FAM107B: variants seen among roughly 807,000 people sequenced by gnomAD.
FAM107B encodes protein FAM107B.
Under a neutral mutation model 31.5 loss-of-function variants are expected in FAM107B, and 21 were observed. That is an observed-to-expected ratio of 0.67 (90% confidence interval 0.47 to 0.96). The LOEUF is 0.96. Among genes scored for constraint, FAM107B ranks in the 40% least tolerant of loss-of-function variants. The pLI is 0.00. For synonymous variants in FAM107B, 157 were observed against 141.5 expected (o/e 1.11, Z -0.78); for missense variants, 452 against 377.1 (o/e 1.20, Z -1.64).
At chr10:14,612,651 A>AATGTC (rs1852752938) in intron 2 of FAM107B, 1 of 152,254 alleles carries the variant, frequency 6.6e-6, no homozygotes, top group Admixed American at 6.5e-5. Flanking sequence ...CATTTCATAC[A>AATGTC]CAAATAATTA....
intron 2 of FAM107B, among the ~76,000 whole-genome samples, chr10:14,612,139 C>T (rs1394276332): frequency 6.6e-6 from 1 of 152,158 alleles, no homozygotes; most frequent in Non-Finnish European, 1.5e-5. Flanking sequence ...AATGTTAAAT[C>T]GTGCCAGAGA....
At chr10:14,528,563 C>T (rs979751369) in intron 3 of FAM107B, among the ~76,000 whole-genome samples, 4 of 152,054 alleles carry the variant, frequency 2.6e-5, no homozygotes, top group African/African-American at 9.7e-5. Context: ...ATACCTTGGC[C>T]AAGATCATAA....
chr10:14,529,969 G>C (rs992696550), intron 3 of FAM107B: 1 of 188,312 alleles, frequency 5.3e-6, no homozygotes, highest in Non-Finnish European at 1.2e-5. Context: ...ACCTTCCCCA[G>C]TGTAAGGAGA....
chr10:14,526,082 G>A (rs770363351), intron 3 of FAM107B, among the ~76,000 whole-genome samples: 2 of 152,202 alleles, frequency 1.3e-5, no homozygotes, highest in South Asian at 2.1e-4. Context: ...GGCTCAGACC[G>A]TCACAGAACA....
chr10:14,691,457 G>A (rs899444087), intron 1 of FAM107B, among the ~76,000 whole-genome samples: 49 of 152,132 alleles, frequency 3.2e-4, no homozygotes, highest in African/African-American at 1.1e-3. Context: ...CTTCGGGGTC[G>A]AAACTTCCGT....
At chr10:14,614,988 TC>T (rs1219028754) in intron 2 of FAM107B, among the ~76,000 whole-genome samples, 1 of 152,054 alleles carries the variant, frequency 6.6e-6, no homozygotes, top group African/African-American at 2.4e-5. Context: ...CGGAGGGGAA[TC>T]CAGGGCCAAG....
At chr10:14,603,004 C>T (rs957303214) in intron 2 of FAM107B, among the ~76,000 whole-genome samples, 6 of 140,356 alleles carry the variant, frequency 4.3e-5, no homozygotes, top group African/African-American at 1.9e-4. Flanking sequence ...CTTTCCCACA[C>T]ACACACACAC....
chr10:14,618,160 A>G (rs945730754), intron 2 of FAM107B, among the ~76,000 whole-genome samples: 5 of 152,182 alleles, frequency 3.3e-5, no homozygotes, highest in African/African-American at 1.2e-4. Context: ...AGGGTATTAT[A>G]CAGTTCAGTC....
intron 2 of FAM107B, among the ~76,000 whole-genome samples, chr10:14,645,945 G>T (rs1853741770): frequency 6.6e-6 from 1 of 152,152 alleles, no homozygotes. Flanking sequence ...GACTAATAGT[G>T]TTGGAAACAA....
chr10:14,686,392 CAA>C (rs61066393), intron 1 of FAM107B, among the ~76,000 whole-genome samples: 14 of 125,692 alleles, frequency 1.1e-4, no homozygotes, highest in Non-Finnish European at 1.0e-4. Context: ...CTGCATGTCT[CAA>C]AAAAAAAAAA....
intron 2 of FAM107B, among the ~76,000 whole-genome samples, chr10:14,644,164 C>G (rs926685774): frequency 2.8e-4 from 42 of 152,064 alleles, no homozygotes; most frequent in African/African-American, 9.9e-4. Context: ...GGGAAGAGAC[C>G]AACATTTATT....
At chr10:14,769,541 C>T (rs942967438) in intron 1 of FAM107B, among the ~76,000 whole-genome samples, 7 of 152,192 alleles carry the variant, frequency 4.6e-5, no homozygotes, top group Middle Eastern at 3.4e-3. Context: ...CCCGCCACCA[C>T]GACCAGCTAA....
chr10:14,572,089 C>A (rs1433078977), intron 2 of FAM107B: 1 of 985,300 alleles, frequency 1.0e-6, no homozygotes, highest in East Asian at 1.1e-4. Context: ...ATCAAAAGAG[C>A]CACAGTTCAA....
intron 1 of FAM107B, among the ~76,000 whole-genome samples, chr10:14,713,346 G>A (rs74122958): frequency 0.13 from 19,445 of 152,174 alleles, 1,604 homozygotes; most frequent in African/African-American, 0.23. Context: ...CTACACCTCA[G>A]ACACAAAGTT....
At chr10:14,678,748 T>C (rs888386653) in intron 1 of FAM107B, among the ~76,000 whole-genome samples, 1 of 152,264 alleles carries the variant, frequency 6.6e-6, no homozygotes, top group East Asian at 1.9e-4. Context: ...GACTAGCATG[T>C]TGGAAAGAGA....
chr10:14,618,015 C>A (rs1461050936), intron 2 of FAM107B, among the ~76,000 whole-genome samples: 3 of 152,174 alleles, frequency 2.0e-5, no homozygotes, highest in Admixed American at 2.0e-4. Flanking sequence ...GTAACCACCT[C>A]CACAATTATC....
At chr10:14,583,096 A>AT (rs1451158621) in intron 2 of FAM107B, among the ~76,000 whole-genome samples, 2 of 151,904 alleles carry the variant, frequency 1.3e-5, no homozygotes, top group South Asian at 2.1e-4. Flanking sequence ...CAAAAAAAAA[A>AT]AAAAAAAAGA....
intron 3 of FAM107B, chr10:14,528,077 A>C (rs755204670): frequency 8.8e-5 from 33 of 375,716 alleles, no homozygotes; most frequent in Non-Finnish European, 1.5e-4. Context: ...AGGAAATTCC[A>C]GTTGTTGTCA....
intron 1 of FAM107B, among the ~76,000 whole-genome samples, chr10:14,770,975 T>TAAAAAAAAAAA (rs56378196): frequency 1.7e-5 from 1 of 58,922 alleles, no homozygotes; most frequent in Non-Finnish European, 3.6e-5. Context: ...GAGGCTGAAC[T>TAAAAAAAAAAA]AAAAAAAAAA....
Sources: gnomAD v4.1 joint callset for allele counts (sites outside exome capture counted in the v4.1 genomes callset) on GRCh38, gnomAD v4.1.1 for gene constraint, MANE v1.5 for transcripts, NCBI Gene and HGNC (gene_info 2026-07-23, HGNC 2026-07-21) for gene names.